TRAPPC9: variants seen among roughly 807,000 people sequenced by gnomAD.
The protein encoded by TRAPPC9 is trafficking protein particle complex subunit 9.
A neutral mutation model predicts 124.0 loss-of-function variants in TRAPPC9; 83 were observed. The ratio of observed to expected loss-of-function variants is 0.67; its 90% confidence interval spans 0.56 to 0.80. TRAPPC9 has a LOEUF of 0.80. TRAPPC9 is among the 30% of genes least tolerant of loss of function. TRAPPC9 has a pLI of 0.00. For synonymous variants in TRAPPC9, 638 were observed against 617.5 expected (o/e 1.03, Z -0.49); for missense variants, 1,302 against 1,508.3 (o/e 0.86, Z 2.27).
At chr8:140,212,753 T>C (rs28700081) in intron 17 of TRAPPC9, among the ~76,000 whole-genome samples, 1,986 of 152,282 alleles carry the variant, frequency 0.013, 49 homozygotes, top group African/African-American at 0.045. Flanking sequence ...ATTTTCTCTA[T>C]GGGAAGGCGT....
chr8:140,001,075 C>T (rs1170970078), intron 18 of TRAPPC9, among the ~76,000 whole-genome samples: 2 of 152,120 alleles, frequency 1.3e-5, no homozygotes, highest in Non-Finnish European at 2.9e-5. Flanking sequence ...AGTTTATGTC[C>T]TTTTCGGGGA....
chr8:140,247,179 C>T (rs73714822), intron 16 of TRAPPC9, among the ~76,000 whole-genome samples: 9,506 of 152,234 alleles, frequency 0.062, 525 homozygotes, highest in African/African-American at 0.15. Flanking sequence ...TCTCTAGTTA[C>T]TTTGGCTGTG....
At chr8:140,386,234 A>T (rs2068752288) in intron 7 of TRAPPC9, among the ~76,000 whole-genome samples, 1 of 152,220 alleles carries the variant, frequency 6.6e-6, no homozygotes, top group Admixed American at 6.5e-5. Context: ...AAAAACTGGA[A>T]GCATTCCCTT....
intron 18 of TRAPPC9, among the ~76,000 whole-genome samples, chr8:140,014,314 T>C (rs879623381): frequency 4.6e-5 from 7 of 152,158 alleles, no homozygotes; most frequent in Admixed American, 2.0e-4. Context: ...CCTAATCCAT[T>C]TCCATCTCGT....
intron 14 of TRAPPC9, among the ~76,000 whole-genome samples, chr8:140,277,893 T>C (rs13258113): frequency 0.97 from 147,501 of 152,302 alleles, 71,466 homozygotes; most frequent in East Asian, 1. Context: ...TCTATGGCGA[T>C]GAGACTCTCT....
chr8:139,780,408 A>T (rs1563807888), intron 21 of TRAPPC9, among the ~76,000 whole-genome samples: 1 of 152,220 alleles, frequency 6.6e-6, no homozygotes, highest in Non-Finnish European at 1.5e-5. Flanking sequence ...ACAAAGGAAG[A>T]AAGGCACTAA....
At chr8:139,917,204 C>T (rs28681674) in intron 19 of TRAPPC9, among the ~76,000 whole-genome samples, 85 of 116,434 alleles carry the variant, frequency 7.3e-4, no homozygotes, top group African/African-American at 2.5e-3. Flanking sequence ...GACGGAGTCT[C>T]GCTCTGTTGC....
At chr8:140,177,493 T>C (rs1182958968) in intron 17 of TRAPPC9, among the ~76,000 whole-genome samples, 1 of 152,182 alleles carries the variant, frequency 6.6e-6, no homozygotes, top group Non-Finnish European at 1.5e-5. Flanking sequence ...TCCTATTTTG[T>C]TTCCATTAAT....
In TRAPPC9 at chr8:140,087,983, C is replaced by T. The variant is rs374831477; in HGVS notation, c.2557-63904G>A. On this transcript the variant is annotated intron_variant, in intron 17 of 22. Transcript: ENST00000438773. This position sits in a 1 kb window ranked among gnomAD's most constrained non-coding sequence, Gnocchi z 4.6. ...TGTGATTTCTGCTTGGAAGATGTGGCTTACCAGAGCCCCTAGCTCTTTAGA... is the reference window on the plus strand; with the variant it reads ...TGTGATTTCTGCTTGGAAGATGTGGTTTACCAGAGCCCCTAGCTCTTTAGA... 2.0e-5 allele frequency among the ~76,000 whole-genome samples: 3 copies of T among 152,068 alleles called. No individual in the cohort carries two copies. In the East Asian group the frequency reaches 5.8e-4, roughly 29 times the overall value.
intron 10 of TRAPPC9, among the ~76,000 whole-genome samples, chr8:140,308,805 C>T (rs932031655): frequency 4.0e-5 from 6 of 151,846 alleles, no homozygotes; most frequent in East Asian, 1.9e-4. Context: ...CACTTGAACC[C>T]GGGAGGTGGA....
At chr8:139,919,667 G>T (rs1010781629) in intron 19 of TRAPPC9, among the ~76,000 whole-genome samples, 41 of 152,196 alleles carry the variant, frequency 2.7e-4, no homozygotes, top group African/African-American at 9.4e-4. Context: ...GTGTTCATAG[G>T]TAACACTTCA....
At chr8:139,922,424 C>T (rs533193321) in intron 19 of TRAPPC9, among the ~76,000 whole-genome samples, 13 of 152,356 alleles carry the variant, frequency 8.5e-5, no homozygotes, top group African/African-American at 2.4e-4. Context: ...CCTCATGATC[C>T]GCCTGCCTTG....
At chr8:139,978,166 C>T (rs1214754133) in intron 19 of TRAPPC9, among the ~76,000 whole-genome samples, 2 of 152,290 alleles carry the variant, frequency 1.3e-5, no homozygotes, top group South Asian at 2.1e-4. Flanking sequence ...GTGTGAGCCA[C>T]GGCGCCCGGC....
At chr8:140,155,721 A>C (rs1035794553) in intron 17 of TRAPPC9, among the ~76,000 whole-genome samples, 4 of 152,242 alleles carry the variant, frequency 2.6e-5, no homozygotes, top group Admixed American at 6.5e-5. Flanking sequence ...ATCAATGTCC[A>C]AAAAAGCAGG....
intron 11 of TRAPPC9, chr8:140,291,312 C>T (rs974598064): frequency 1.1e-4 from 63 of 585,050 alleles, no homozygotes; most frequent in African/African-American, 7.4e-4. Context: ...TCACTGCCTT[C>T]GGCGGGCTGC....
intron 19 of TRAPPC9, among the ~76,000 whole-genome samples, chr8:139,928,308 A>G (rs190251649): frequency 6.6e-6 from 1 of 152,310 alleles, no homozygotes; most frequent in East Asian, 1.9e-4. Context: ...CCTGGCCAAC[A>G]TGGCAAAATG....
chr8:140,090,090 CA>C (rs1563752439), intron 17 of TRAPPC9, among the ~76,000 whole-genome samples: 3 of 151,692 alleles, frequency 2.0e-5, no homozygotes, highest in Admixed American at 6.6e-5. Flanking sequence ...AAAACAACAA[CA>C]ACACAACAAC....
intron 15 of TRAPPC9, among the ~76,000 whole-genome samples, chr8:140,269,954 G>T (rs2064824723): frequency 6.6e-6 from 1 of 152,136 alleles, no homozygotes; most frequent in Non-Finnish European, 1.5e-5. Context: ...CAAAAAATTA[G>T]CCAGGCATGG....
intron 17 of TRAPPC9, among the ~76,000 whole-genome samples, chr8:140,205,756 G>A (rs1031182420): frequency 4.6e-5 from 7 of 152,120 alleles, no homozygotes; most frequent in African/African-American, 1.4e-4. Flanking sequence ...GTGGGCTCCC[G>A]CTCACCACCC....
Sources: allele counts gnomAD v4.1 joint callset (sites outside exome capture counted in the v4.1 genomes callset), GRCh38; gene constraint gnomAD v4.1.1; non-coding constraint Gnocchi (gnomAD v3.1); transcripts MANE v1.5; gene names NCBI Gene and HGNC (gene_info 2026-07-23, HGNC 2026-07-21).